CSMD1: variants seen among roughly 807,000 people sequenced by gnomAD.
CSMD1 encodes the protein CUB and Sushi multiple domains 1, also known as CUB and sushi domain-containing protein 1.
CSMD1 carries 213 observed loss-of-function variants against 417.5 expected under a neutral mutation model. The ratio of observed to expected loss-of-function variants is 0.51; its 90% confidence interval spans 0.46 to 0.57. The LOEUF is 0.57. Ranked by LOEUF, CSMD1 falls within the 20% of genes least tolerant of loss-of-function variation. CSMD1 has a pLI of 0.00. For missense variants in CSMD1, 6,923 were observed against 4,529.7 expected, an observed-to-expected ratio of 1.53 and a Z score of -15.17; for synonymous variants, 2,862 against 1,736.8, an observed-to-expected ratio of 1.65 and a Z score of -16.11.
chr8:3,616,138 T>C (rs147731996), intron 8 of CSMD1, among the ~76,000 whole-genome samples: 74 of 152,292 alleles, frequency 4.9e-4, no homozygotes, highest in Middle Eastern at 3.4e-3. Context: ...AATTGGAATA[T>C]GACATTTACA....
At chr8:4,731,118 A>G (rs1809831104) in intron 1 of CSMD1, among the ~76,000 whole-genome samples, 4 of 152,178 alleles carry the variant, frequency 2.6e-5, no homozygotes. Context: ...ATTTGCCCAT[A>G]TGAGAAACCA....
intron 11 of CSMD1, among the ~76,000 whole-genome samples, chr8:3,491,284 G>C (rs1419704156): frequency 3.3e-5 from 5 of 152,168 alleles, no homozygotes; most frequent in African/African-American, 1.2e-4. Context: ...CACTAGGTTT[G>C]TGAACTGGGG....
At chr8:3,883,485 C>T (rs1221118880) in intron 5 of CSMD1, among the ~76,000 whole-genome samples, 2 of 152,038 alleles carry the variant, frequency 1.3e-5, no homozygotes, top group African/African-American at 4.8e-5. Context: ...TATATGCACA[C>T]AAATATACCT....
At chr8:4,810,944 T>A (rs1428452576) in intron 1 of CSMD1, among the ~76,000 whole-genome samples, 2 of 152,174 alleles carry the variant, frequency 1.3e-5, no homozygotes, top group Non-Finnish European at 2.9e-5. Flanking sequence ...AAGAATGGCA[T>A]AAAATAGTGA....
intron 12 of CSMD1, among the ~76,000 whole-genome samples, chr8:3,440,229 A>G (rs984950383): frequency 1.5e-4 from 17 of 116,528 alleles, no homozygotes; most frequent in African/African-American, 5.2e-4. Context: ...ATTAAACTGT[A>G]TATCAATTTG....
At chr8:4,494,454 C>T (rs1479020564) in intron 2 of CSMD1, among the ~76,000 whole-genome samples, 4 of 152,108 alleles carry the variant, frequency 2.6e-5, no homozygotes, top group Non-Finnish European at 4.4e-5. Flanking sequence ...TGCTTGAAAA[C>T]ATTATTATAC....
intron 23 of CSMD1, among the ~76,000 whole-genome samples, chr8:3,324,301 A>G (rs1275770554): frequency 4.7e-5 from 7 of 149,498 alleles, no homozygotes; most frequent in African/African-American, 7.4e-5. Context: ...CCTGAGACCC[A>G]GGAGGGGGAG....
At position 4,571,156 on chromosome 8, in the gene CSMD1, G is replaced by C. The variant is rs562549381; in HGVS notation, c.302+66186C>G. Among the ~76,000 whole-genome samples the C allele has an allele frequency of 7.2e-5, 11 of 152,148 alleles. 1 individual carries two copies. The highest frequency in any genetic ancestry group is 3.4e-3 in the Middle Eastern group (1 of 294). On this transcript the variant is annotated intron_variant, in intron 2 of 69. Transcript: ENST00000635120. ...TCTCTATCTCCTTCAGTTCTGCTCT[G>C]ATCTTAGTTATTTCTTGTCTTCTGC...
chr8:4,615,547 G>A (rs140077731), intron 2 of CSMD1, among the ~76,000 whole-genome samples: 151 of 152,288 alleles, frequency 9.9e-4, no homozygotes, highest in South Asian at 1.9e-3. Flanking sequence ...TAGCAAATGT[G>A]TGAGGGCCAA....
intron 3 of CSMD1, among the ~76,000 whole-genome samples, chr8:4,398,488 G>GT (rs1563132136): frequency 6.7e-6 from 1 of 149,106 alleles, no homozygotes; most frequent in East Asian, 2.0e-4. Context: ...CCTCTCCTGG[G>GT]TTCACGCCAT....
rs192110322 is a variant in CSMD1, at chr8:4,739,109, C to T, written c.86-101551G>A. Among the ~76,000 whole-genome samples, 1,115 of 152,152 alleles carry T rather than the reference C, an allele frequency of 7.3e-3. 13 individuals are homozygous for T. The highest frequency in any genetic ancestry group is 0.034 in the Middle Eastern group (10 of 294). ...ACATACATGTGAACATACACACGTG[C>T]ACACACACATACATGTGAACATACA... On this transcript the variant is annotated intron_variant, in intron 1 of 69. Transcript: ENST00000635120.
chr8:2,973,726 G>C (rs1474733554), intron 56 of CSMD1, among the ~76,000 whole-genome samples: 2 of 151,982 alleles, frequency 1.3e-5, no homozygotes, highest in Non-Finnish European at 2.9e-5. Context: ...AGAGTTGCTG[G>C]TTCGCTGAAT....
chr8:4,203,111 T>G (rs1799760005), intron 3 of CSMD1, among the ~76,000 whole-genome samples: 1 of 152,202 alleles, frequency 6.6e-6, no homozygotes, highest in African/African-American at 2.4e-5. Context: ...GGGTTCCCTG[T>G]TGTCATAACA....
At chr8:3,129,098 C>T (rs62488458) in intron 41 of CSMD1, among the ~76,000 whole-genome samples, 30 of 152,250 alleles carry the variant, frequency 2.0e-4, no homozygotes, top group Non-Finnish European at 3.4e-4. Context: ...ATGAGCAAGA[C>T]AGTAAGAAAC....
At chr8:2,950,738 A>C (rs1010056225) in intron 66 of CSMD1, among the ~76,000 whole-genome samples, 5 of 152,216 alleles carry the variant, frequency 3.3e-5, no homozygotes, top group Non-Finnish European at 7.4e-5. Flanking sequence ...TTTGCCATAT[A>C]AATCGAGGCT....
intron 54 of CSMD1, among the ~76,000 whole-genome samples, chr8:2,983,303 C>T (rs1805583736): frequency 6.6e-6 from 1 of 152,106 alleles, no homozygotes; most frequent in Non-Finnish European, 1.5e-5. Context: ...TCTCCTGCCT[C>T]AGCCTCCCGA....
chr8:3,657,126 T>C (rs1225959605), intron 7 of CSMD1, among the ~76,000 whole-genome samples: 1 of 152,134 alleles, frequency 6.6e-6, no homozygotes, highest in Non-Finnish European at 1.5e-5. Flanking sequence ...GAATATGGCA[T>C]CATCTGTCCC....
chr8:4,537,517 G>A (rs1039269180), intron 2 of CSMD1, among the ~76,000 whole-genome samples: 2 of 152,156 alleles, frequency 1.3e-5, no homozygotes, highest in Non-Finnish European at 2.9e-5. Context: ...TGTTATTACA[G>A]ACTAGTTTTA....
intron 1 of CSMD1, among the ~76,000 whole-genome samples, chr8:4,655,238 G>A (rs749687241): frequency 2.6e-5 from 4 of 151,792 alleles, no homozygotes; most frequent in Non-Finnish European, 4.4e-5. Context: ...TCTTACCTTG[G>A]TTGCTAAAAT....
Sources: allele counts gnomAD v4.1 joint callset (sites outside exome capture counted in the v4.1 genomes callset), GRCh38; gene constraint gnomAD v4.1.1; transcripts MANE v1.5; gene names NCBI Gene and HGNC (gene_info 2026-07-23, HGNC 2026-07-21).